Variants in TNIK observed in about 807,000 individuals in gnomAD.
TNIK encodes the protein TRAF2 and NCK interacting kinase.
TNIK carries 49 observed loss-of-function variants against 191.3 expected under a neutral mutation model. That is an observed-to-expected ratio of 0.26 (90% CI 0.20 to 0.32). The LOEUF (loss-of-function observed/expected upper bound fraction) is 0.32, where lower values mean the gene tolerates loss of function less well. Among genes scored for constraint, TNIK ranks in the 10% least tolerant of loss-of-function variants. The pLI, the probability that TNIK is intolerant of heterozygous loss-of-function variation, is 1.00. For missense variants in TNIK, 1,155 were observed against 1,702.3 expected, an observed-to-expected ratio of 0.68 and a Z score of 5.66; for synonymous variants, 594 against 600.9, an observed-to-expected ratio of 0.99 and a Z score of 0.17.
intron 1 of TNIK, among the ~76,000 whole-genome samples, chr3:171,392,283 T>C (rs1195868242): frequency 6.6e-6 from 1 of 152,070 alleles, no homozygotes; most frequent in East Asian, 1.9e-4. Context: ...ACTTGAAAAC[T>C]GTATATTGAA....
intron 23 of TNIK, among the ~76,000 whole-genome samples, chr3:171,091,468 C>T (rs115756284): frequency 0.011 from 1,692 of 152,146 alleles, 20 homozygotes; most frequent in Non-Finnish European, 0.018. Context: ...CTCGGCCGGG[C>T]GTGGTAGCTC....
At chr3:171,419,040 A>G (rs966672198) in intron 1 of TNIK, among the ~76,000 whole-genome samples, 51 of 152,264 alleles carry the variant, frequency 3.3e-4, no homozygotes, top group African/African-American at 1.0e-3. Flanking sequence ...GTCTCTTCTT[A>G]TAAGTATATT....
chr3:171,363,776 T>C (rs1000001564), intron 2 of TNIK, among the ~76,000 whole-genome samples: 3 of 152,210 alleles, frequency 2.0e-5, no homozygotes, highest in African/African-American at 7.2e-5. Context: ...GGCCAAGATT[T>C]TGCTATATAA....
At chr3:171,326,490 T>C (rs1755763405) in intron 2 of TNIK, among the ~76,000 whole-genome samples, 1 of 152,190 alleles carries the variant, frequency 6.6e-6, no homozygotes, top group African/African-American at 2.4e-5. Flanking sequence ...GGTTCCCTAA[T>C]TACTTAGATT....
At chr3:171,082,167 G>T in intron 27 of TNIK, 84 bp downstream of exon 27, 3 of 1,514,724 alleles carry the variant, frequency 2.0e-6, no homozygotes, top group Non-Finnish European at 2.7e-6. Context: ...GCTGGGAAGG[G>T]CAGAACTAAC....
At chr3:171,150,492 C>T (rs1274608017) in intron 12 of TNIK, among the ~76,000 whole-genome samples, 1 of 152,174 alleles carries the variant, frequency 6.6e-6, no homozygotes, top group Admixed American at 6.5e-5. Context: ...AGCACAAGAT[C>T]TCTGTTCCTT....
chr3:171,222,701 C>A (rs1043616006), intron 3 of TNIK, among the ~76,000 whole-genome samples: 2 of 152,064 alleles, frequency 1.3e-5, no homozygotes, highest in African/African-American at 4.8e-5. Flanking sequence ...GGGAGAAGAC[C>A]ACTTCCTTAC....
chr3:171,271,959 G>A (rs1406215944), intron 2 of TNIK, among the ~76,000 whole-genome samples: 2 of 152,128 alleles, frequency 1.3e-5, no homozygotes, highest in Non-Finnish European at 1.5e-5. Flanking sequence ...TGCTTTCCTT[G>A]ACACAACAGG....
chr3:171,222,592 T>TC (rs1742491901), intron 3 of TNIK, among the ~76,000 whole-genome samples: 1 of 152,160 alleles, frequency 6.6e-6, no homozygotes, highest in Non-Finnish European at 1.5e-5. Context: ...ACCTTACTCT[T>TC]CCAAACAACC....
intron 6 of TNIK, 121 bp downstream of exon 6, chr3:171,190,576 T>G: frequency 1.4e-6 from 1 of 714,502 alleles, no homozygotes. Context: ...CATTTTCCTT[T>G]CCATTTTTAG....
chr3:171,167,392 A>G lies in TNIK; in HGVS notation c.774-122T>C. On this transcript the variant is annotated intron_variant, in intron 9 of 32. Transcript: ENST00000436636. ...GGTCCAATTGGCTGGCATAGGGATC[A>G]TCCACTAATCAGAAAACAGTTGTAG... The G allele has an allele frequency of 2.5e-6, 3 of 1,187,308 alleles. No individual in the cohort carries two copies. In the South Asian group the frequency reaches 4.8e-5, roughly 19 times the overall value. 73.5% of individuals were successfully genotyped at this position (1,187,308 alleles called of 1,614,324 possible).
At position 171,085,806 on chromosome 3, in the gene TNIK, G is replaced by A. The variant is rs76822073; in HGVS notation, c.2887-577C>T. Reference sequence around the variant, plus strand: ...GGAATTGAAGATATTTCCTTCCCACGATAGTTTCCTTAAAAGAATAATTAC... The same window carrying A: ...GGAATTGAAGATATTTCCTTCCCACAATAGTTTCCTTAAAAGAATAATTAC... On this transcript the variant is annotated intron_variant, in intron 24 of 32. Transcript: ENST00000436636. 6.6e-5 allele frequency among the ~76,000 whole-genome samples: 10 copies of A among 152,242 alleles called. No homozygotes were observed. The East Asian group carries it at 1.4e-3, about 21-fold the overall frequency.
intron 8 of TNIK, 83 bp downstream of exon 8, chr3:171,177,243 A>T: frequency 6.8e-7 from 1 of 1,460,664 alleles, no homozygotes; most frequent in Non-Finnish European, 9.3e-7. Flanking sequence ...GTGGAAGTAA[A>T]GCAACTGCAG....
At chr3:171,132,828 G>C (rs752280213) in intron 15 of TNIK, among the ~76,000 whole-genome samples, 2 of 152,168 alleles carry the variant, frequency 1.3e-5, no homozygotes, top group Non-Finnish European at 1.5e-5. Context: ...GGTTTAGGAA[G>C]GTCTCAGAAG....
chr3:171,454,600 C>A (rs1027323778), intron 1 of TNIK, among the ~76,000 whole-genome samples: 7 of 152,164 alleles, frequency 4.6e-5, no homozygotes, highest in African/African-American at 1.7e-4. Context: ...AATACCAGCA[C>A]ACCCTACTTT....
Position 171,087,369 on chromosome 3 carries a change from A to T in TNIK, c.2859T>A (p.His953Gln), listed in dbSNP as rs754808384. 1 of 1,613,760 alleles carries T rather than the reference A, an allele frequency of 6.2e-7. No homozygotes were observed. Among genetic ancestry groups the T allele is most frequent in the Non-Finnish European group, 8.5e-7 (1 of 1,179,886 alleles). The change falls in exon 24 of 33, where the codon CAT becomes CAA. Residue 953 changes from histidine to glutamine, a missense_variant. Physicochemically the swap from His to Gln is conservative, Grantham distance 24. Transcript: ENST00000436636. ...CAGTCCCAGAGTCCATCTCCTGGGA[A>T]TGGGTTGAGACGCGCCCCAGTCCCT... Reference protein sequence around the residue: ...PTEGLGRVSTHSQEMDSGTEY... With the variant: ...PTEGLGRVSTQSQEMDSGTEY...
chr3:171,431,653 CT>C (rs1203679452), intron 1 of TNIK, among the ~76,000 whole-genome samples: 2 of 151,950 alleles, frequency 1.3e-5, no homozygotes, highest in Non-Finnish European at 2.9e-5. Flanking sequence ...GCTTTTGCGT[CT>C]TTTTTTTCAT....
intron 2 of TNIK, among the ~76,000 whole-genome samples, chr3:171,351,034 G>T (rs900340684): frequency 2.0e-5 from 3 of 152,116 alleles, no homozygotes; most frequent in African/African-American, 7.2e-5. Context: ...GGGACTACAG[G>T]CACGTGCCTC....
chr3:171,352,327 C>G (rs1388617475), intron 2 of TNIK, among the ~76,000 whole-genome samples: 2 of 152,150 alleles, frequency 1.3e-5, no homozygotes, highest in African/African-American at 2.4e-5. Flanking sequence ...ACCTTTTAAG[C>G]CTTTGGATTC....
Sources: gnomAD v4.1 joint callset for allele counts (sites outside exome capture counted in the v4.1 genomes callset) on GRCh38, gnomAD v4.1.1 for gene constraint, MANE v1.5 for transcripts, NCBI Gene and HGNC (gene_info 2026-07-23, HGNC 2026-07-21) for gene names.